The following ZNF37A variants were observed in gnomAD, a reference collection of about 807,000 sequenced individuals.
ZNF37A encodes zinc finger protein 37a (KOX 21).
ZNF37A carries 10 observed loss-of-function variants against 12.3 expected under a neutral mutation model. The ratio of observed to expected loss-of-function variants is 0.82; its 90% CI spans 0.50 to 1.38. The LOEUF (loss-of-function observed/expected upper bound fraction) is 1.38. ZNF37A is among the 40% of genes most tolerant of loss of function. ZNF37A has a pLI of 0.00. For synonymous variants in ZNF37A, 207 were observed against 223.0 expected, an observed-to-expected ratio of 0.93 and a Z score of 0.64; for missense variants, 580 against 651.2, an observed-to-expected ratio of 0.89 and a Z score of 1.19.
chr10:38,096,337 CT>C (rs887647973), intron 4 of ZNF37A, among the ~76,000 whole-genome samples: 3 of 152,146 alleles, frequency 2.0e-5, no homozygotes, highest in Non-Finnish European at 4.4e-5. Flanking sequence ...TCCTAACTTG[CT>C]TAATTAGTTT....
chr10:38,115,289 G>C lies in ZNF37A; in HGVS notation c.237G>C (p.Leu79=). Residue 79 remains leucine, a splice_region_variant and synonymous_variant, in exon 7 of 8, where the codon CTG becomes CTC. Coordinates refer to ENST00000685332, the MANE Select transcript of ZNF37A (RefSeq NM_001324250.3). ...AAAAATTTCCAAGCCAGAGTCATCT[G>C]GGTGAGTTAGTATGTGCCAGATGGA... The part of the protein sequence containing the change: ...LEEKFPSQSH[L]ELINTSRNYS... The C allele has an allele frequency of 6.2e-7, 1 of 1,613,120 alleles. No homozygotes were observed. The highest frequency in any genetic ancestry group is 1.1e-5 in the South Asian group (1 of 90,958).
Position 38,100,459 on chromosome 10 carries a change from T to C in ZNF37A, c.15+3827T>C, listed in dbSNP as rs185419332. Among the ~76,000 whole-genome samples the C allele has an allele frequency of 1.2e-4, 18 of 152,280 alleles. No individual in the cohort carries two copies. The East Asian group carries it at 2.7e-3, about 23-fold the overall frequency. ...GAGACGGCCACACCCAGGGGGGCTG[T>C]CTATAGGCCTATTCCCCCAGGCTTG... is the stretch of plus-strand genomic sequence containing the variant. On this transcript the variant is annotated intron_variant, in intron 5 of 7. Transcript: ENST00000685332.
chr10:38,113,327 C>A (rs1490548500), intron 5 of ZNF37A, among the ~76,000 whole-genome samples: 1 of 150,698 alleles, frequency 6.6e-6, no homozygotes, highest in Non-Finnish European at 1.5e-5. Flanking sequence ...ATTCTCCTCC[C>A]TCAGCCTCCC....
At chr10:38,099,010 C>T (rs961183058) in intron 5 of ZNF37A, among the ~76,000 whole-genome samples, 1 of 152,024 alleles carries the variant, frequency 6.6e-6, no homozygotes, top group Non-Finnish European at 1.5e-5. Context: ...CATCTGCAAA[C>T]GAAAATATTT....
rs372089696 is a variant in ZNF37A at position 38,118,785 on chromosome 10, A to G, written c.1634A>G (p.His545Arg). The G allele has an allele frequency of 3.1e-6, 5 of 1,606,654 alleles. No individual in the cohort carries two copies. Among genetic ancestry groups the G allele is most frequent in the Non-Finnish European group, 4.2e-6 (5 of 1,176,888 alleles). ...AAACTAACTGTACATCAGAGAATAC[A>G]CTTGGGGAGAAACCCTATAAATGTA... is the stretch of plus-strand genomic sequence containing the variant. ...KSKLTVHQRI[H>R]LGRNPINVVN... The change falls in exon 8 of 8, where the codon CAC becomes CGC. Residue 545 changes from histidine to arginine, a missense_variant. Physicochemically the swap from His to Arg is conservative, Grantham distance 29. Transcript: ENST00000685332.
intron 5 of ZNF37A, among the ~76,000 whole-genome samples, chr10:38,114,290 T>C (rs1304190226): frequency 4.6e-5 from 7 of 152,214 alleles, no homozygotes; most frequent in Non-Finnish European, 1.0e-4. Flanking sequence ...TCTTATATGT[T>C]TGCAAAGGAA....
exon 8 of ZNF37A, chr10:38,149,471 A>G (rs542152393): frequency 6.9e-6 from 1 of 144,158 alleles, no homozygotes; most frequent in East Asian, 2.1e-4. Context: ...TCCCCTCCTA[A>G]CCCCCAATTC....
downstream of ZNF37A, among the ~76,000 whole-genome samples, chr10:38,130,316 C>T (rs1590940692): frequency 6.6e-6 from 1 of 152,146 alleles, no homozygotes; most frequent in Non-Finnish European, 1.5e-5. Flanking sequence ...TTGGCTATTG[C>T]GAATGATGTG....
chr10:38,108,510 T>C (rs2068336547), intron 5 of ZNF37A, among the ~76,000 whole-genome samples: 1 of 151,918 alleles, frequency 6.6e-6, no homozygotes, highest in South Asian at 2.1e-4. Context: ...CTGACGGAGA[T>C]AGAGATACGA....
At chr10:38,132,119 T>G (rs927408805) in intron 7 of ZNF37A, among the ~76,000 whole-genome samples, 4 of 152,156 alleles carry the variant, frequency 2.6e-5, no homozygotes, top group African/African-American at 9.6e-5. Flanking sequence ...TTTTCCTATC[T>G]AATAGCTCTG....
downstream of ZNF37A, among the ~76,000 whole-genome samples, chr10:38,128,395 C>T (rs2069959602): frequency 6.6e-6 from 1 of 152,036 alleles, no homozygotes; most frequent in Non-Finnish European, 1.5e-5. Context: ...ATAATCATGG[C>T]AGAGATGTAT....
In ZNF37A at chr10:38,112,772, T is replaced by TGG. The variant is rs1434033958; in HGVS notation, c.16-1983_16-1982insGG. Among the ~76,000 whole-genome samples the TGG allele has an allele frequency of 1.6e-3, 103 of 65,240 alleles. 18 individuals carry two copies. The highest frequency in any genetic ancestry group is 2.7e-3 in the African/African-American group (47 of 17,450). 42.8% of individuals were successfully genotyped at this position (65,240 alleles called of 152,430 possible). A position where few individuals can be genotyped will look rare whatever the true frequency, so the allele number is the denominator to read the frequency against. Reference sequence around the variant, plus strand: ...TTTCTTTTCTTTTCTTTTCTTTTCTTTTCTTTTCTTTTCTTTTCTTTTCTT... The same window carrying TGG: ...TTTCTTTTCTTTTCTTTTCTTTTCTTGGTTCTTTTCTTTTCTTTTCTTTTCTT... On this transcript the variant is annotated intron_variant, in intron 5 of 7. Coordinates refer to ENST00000685332, the MANE Select transcript of ZNF37A (RefSeq NM_001324250.3).
chr10:38,108,139 AT>A (rs952036185), intron 5 of ZNF37A, among the ~76,000 whole-genome samples: 24 of 152,152 alleles, frequency 1.6e-4, no homozygotes, highest in African/African-American at 5.8e-4. Flanking sequence ...AAGAACGGAA[AT>A]CATAACAGTC....
intron 5 of ZNF37A, among the ~76,000 whole-genome samples, chr10:38,099,683 G>C (rs1298046533): frequency 6.6e-6 from 1 of 152,092 alleles, no homozygotes; most frequent in Non-Finnish European, 1.5e-5. Flanking sequence ...AATTTCTTGA[G>C]GAAACACCAA....
intron 7 of ZNF37A, chr10:38,117,134 A>G (rs576923433): frequency 2.0e-6 from 2 of 979,516 alleles, no homozygotes; most frequent in South Asian, 9.4e-5. Context: ...ACCACCACCA[A>G]CAACAACCAA....
At chr10:38,138,680 A>C (rs975319183) in intron 7 of ZNF37A, 2 of 152,244 alleles carry the variant, frequency 1.3e-5, no homozygotes, top group African/African-American at 2.4e-5. Context: ...CATGCTCACC[A>C]GGAACCCGTT....
intron 2 of ZNF37A, 61 bp from the exon 3 acceptor site, chr10:38,095,477 C>T (rs2067077545): frequency 6.6e-6 from 1 of 152,352 alleles, no homozygotes; most frequent in African/African-American, 2.4e-5. Flanking sequence ...GAGGGAAGAG[C>T]TTAGCAGCCA....
At chr10:38,148,772 A>G (rs984154124) in exon 8 of ZNF37A, 4 of 152,134 alleles carry the variant, frequency 2.6e-5, no homozygotes, top group African/African-American at 9.7e-5. Context: ...CATTATGGCC[A>G]TCAATAGGTC....
At chr10:38,112,772 T>C (rs1564932234) in intron 5 of ZNF37A, among the ~76,000 whole-genome samples, 3,118 of 65,140 alleles carry the variant, frequency 0.048, 362 homozygotes, top group Middle Eastern at 0.064. Context: ...TTTCTTTTCT[T>C]TTCTTTTCTT....
Sources: gnomAD v4.1 joint callset for allele counts (sites outside exome capture counted in the v4.1 genomes callset) on GRCh38, gnomAD v4.1.1 for gene constraint, MANE v1.5 for transcripts, NCBI Gene and HGNC (gene_info 2026-07-23, HGNC 2026-07-21) for gene names.